Variants in PARVB observed in about 807,000 individuals in gnomAD.
PARVB encodes the protein beta-parvin.
A neutral mutation model predicts 47.0 loss-of-function variants in PARVB; 46 were observed. The observed-to-expected ratio is 0.98, with a 90% CI of 0.77 to 1.25. The LOEUF is 1.25. Among genes scored for constraint, PARVB ranks in the 50% most tolerant of loss-of-function variants. The pLI is 0.00. For missense variants in PARVB, 473 were observed against 471.6 expected (o/e 1.00, Z -0.03); for synonymous variants, 196 against 196.3 (o/e 1.00, Z 0.01).
rs75300084 is a variant in PARVB at position 44,095,651 on chromosome 22, T to C, written c.202+1634T>C. The stretch of plus-strand genomic sequence containing the variant: ...CCCCTGCGCTCACTGCCTGATGTAA[T>C]GGGTAACAGCCAAGACACATTTTCC... On this transcript the variant is annotated intron_variant, in intron 2 of 12. Transcript: ENST00000338758. Among the ~76,000 whole-genome samples, 1,466 of 152,216 alleles carry C rather than the reference T, an allele frequency of 9.6e-3. 24 individuals carry two copies. Among genetic ancestry groups the C allele is most frequent in the African/African-American group, 0.033 (1,375 of 41,526 alleles).
At chr22:44,099,218 C>T (rs555591852) in intron 2 of PARVB, among the ~76,000 whole-genome samples, 112 of 152,310 alleles carry the variant, frequency 7.4e-4, no homozygotes, top group African/African-American at 2.5e-3. Flanking sequence ...GTGCAGGTCC[C>T]GGAGCTGGAC....
At chr22:44,094,842 C>G (rs1258864495) in intron 2 of PARVB, among the ~76,000 whole-genome samples, 1 of 151,754 alleles carries the variant, frequency 6.6e-6, no homozygotes, top group African/African-American at 2.4e-5. Flanking sequence ...GCTGGGTGAA[C>G]AGGCCTAGGC....
At chr22:44,133,066 C>T (rs923742924) in intron 6 of PARVB, 57 bp downstream of exon 6, 1 of 1,215,490 alleles carries the variant, frequency 8.2e-7, no homozygotes, top group Non-Finnish European at 1.2e-6. Flanking sequence ...GCAACATCTT[C>T]CTCCTGCAGT....
intron 1 of PARVB, among the ~76,000 whole-genome samples, chr22:44,087,846 G>GTTTTTT (rs57893038): frequency 7.5e-4 from 91 of 121,256 alleles, no homozygotes; most frequent in African/African-American, 1.6e-3. Context: ...GAACGATGGT[G>GTTTTTT]TTTTTTTTTT....
In PARVB at chr22:44,171,403, G is replaced by A. The variant is rs1441821182; in HGVS notation, c.*2725G>A. ...CCAGCTATTCGGGAGGCTGAGGCAG[G>A]AGAATTGCATGAACCCAGGAGGTGG... On this transcript the variant is annotated 3_prime_UTR_variant, in exon 13 of 13. Transcript: ENST00000338758. 2.6e-5 allele frequency: 4 copies of A among 151,694 alleles called. No homozygotes were observed. The highest frequency in any genetic ancestry group is 2.6e-4 in the Admixed American group (4 of 15,172). 9.4% of individuals were successfully genotyped at this position (151,694 alleles called of 1,614,324 possible).
chr22:44,096,113 T>C (rs2052301391), intron 2 of PARVB, among the ~76,000 whole-genome samples: 1 of 152,184 alleles, frequency 6.6e-6, no homozygotes, highest in Non-Finnish European at 1.5e-5. Flanking sequence ...AAATCCCCGC[T>C]ACCTGGGAGG....
At chr22:44,138,408 A>G (rs1251940292) in intron 7 of PARVB, among the ~76,000 whole-genome samples, 3 of 152,164 alleles carry the variant, frequency 2.0e-5, no homozygotes, top group Non-Finnish European at 4.4e-5. Context: ...AGCCTGAGTC[A>G]GTGTCCCTCT....
At chr22:44,167,254 C>T (rs549586156) in intron 12 of PARVB, among the ~76,000 whole-genome samples, 3 of 152,198 alleles carry the variant, frequency 2.0e-5, no homozygotes, top group South Asian at 2.1e-4. Flanking sequence ...GTGCGGAGCT[C>T]GATGGTGGGG....
chr22:44,034,624 T>C (rs930634002), intron 1 of PARVB, among the ~76,000 whole-genome samples: 12 of 152,090 alleles, frequency 7.9e-5, no homozygotes, highest in Admixed American at 4.6e-4. Context: ...TTCTTTTTGT[T>C]TTAAAATTAA....
At chr22:44,075,752 G>A (rs1488395610) in intron 1 of PARVB, among the ~76,000 whole-genome samples, 3 of 152,188 alleles carry the variant, frequency 2.0e-5, no homozygotes, top group Non-Finnish European at 4.4e-5. Flanking sequence ...TTTCCTCCAC[G>A]CCTTTTCACA....
intron 2 of PARVB, among the ~76,000 whole-genome samples, chr22:44,002,715 GA>G (rs1187122746): frequency 6.6e-6 from 1 of 152,174 alleles, no homozygotes; most frequent in Admixed American, 6.5e-5. Flanking sequence ...TACACATACA[GA>G]TTTCAGTTTG....
Position 44,147,520 on chromosome 22 carries a change from G to A in PARVB, c.713-341G>A, listed in dbSNP as rs977513460. On this transcript the variant is annotated intron_variant, in intron 8 of 12. Transcript: ENST00000338758. ...TAGACAAGGAGTGTGGGAACAGGGA[G>A]AATTCAGGACGCCTCAAGTCCTAGG... 6 of 397,872 alleles carry A rather than the reference G, an allele frequency of 1.5e-5. No homozygotes were observed. In the Admixed American group the frequency reaches 1.7e-4, roughly 11 times the overall value. The allele number at this position is 397,872 out of a possible 1,614,324, so 24.6% of individuals were successfully genotyped here. A position where few individuals can be genotyped will look rare whatever the true frequency, so the allele number is the denominator to read the frequency against.
At chr22:44,026,359 A>C (rs2050728869) in intron 1 of PARVB, 1 of 985,416 alleles carries the variant, frequency 1.0e-6, no homozygotes, top group Admixed American at 6.1e-5. Flanking sequence ...GGCACTGCTG[A>C]TGCTGCTTTC....
intron 1 of PARVB, among the ~76,000 whole-genome samples, chr22:44,033,044 T>G (rs2050852418): frequency 6.6e-6 from 1 of 152,302 alleles, no homozygotes; most frequent in Middle Eastern, 3.4e-3. Flanking sequence ...AATGTTGGTA[T>G]CTTAACTCTT....
intron 3 of PARVB, chr22:44,110,353 C>G (rs6006488): frequency 6.6e-6 from 1 of 151,860 alleles, no homozygotes; most frequent in African/African-American, 2.4e-5. Context: ...TATTTTCTCC[C>G]GACTGAATTG....
At chr22:44,029,625 A>G (rs1165370913) in intron 1 of PARVB, among the ~76,000 whole-genome samples, 1 of 152,010 alleles carries the variant, frequency 6.6e-6, no homozygotes, top group African/African-American at 2.4e-5. Flanking sequence ...AAAATAGAAA[A>G]ATTAGCCAGG....
intron 4 of PARVB, among the ~76,000 whole-genome samples, chr22:44,122,508 GAGAGAGAGAGAC>G (rs1569134168): frequency 3.3e-5 from 3 of 92,244 alleles, no homozygotes; most frequent in African/African-American, 1.9e-4. Flanking sequence ...GAGAGAGAGA[GAGAGAGAGAGAC>G]AGAGAGACAG....
chr22:44,161,269 G>A (rs2054044818), intron 11 of PARVB, among the ~76,000 whole-genome samples: 1 of 151,446 alleles, frequency 6.6e-6, no homozygotes, highest in African/African-American at 2.4e-5. Flanking sequence ...TTTCAGTCCT[G>A]GTTCCATGCC....
chr22:44,013,466 T>C (rs2050544737), intron 2 of PARVB, among the ~76,000 whole-genome samples: 1 of 152,132 alleles, frequency 6.6e-6, no homozygotes. Flanking sequence ...CTGGTGCCCA[T>C]ATGCAGGGGA....
Sources: gnomAD v4.1 joint callset for allele counts (sites outside exome capture counted in the v4.1 genomes callset) on GRCh38, gnomAD v4.1.1 for gene constraint, MANE v1.5 for transcripts, NCBI Gene and HGNC (gene_info 2026-07-23, HGNC 2026-07-21) for gene names.